Variants in RYR2 observed in about 807,000 individuals in gnomAD.
RYR2 encodes the protein cardiac muscle ryanodine receptor-calcium release channel.
RYR2 carries 227 observed loss-of-function variants against 601.1 expected under a neutral mutation model. That is an observed-to-expected ratio of 0.38 (90% CI 0.34 to 0.42). The LOEUF (loss-of-function observed/expected upper bound fraction) is 0.42. RYR2 is among the 10% of genes least tolerant of loss of function. RYR2 has a pLI of 1.00. For synonymous variants in RYR2, 2,223 were observed against 2,175.1 expected, an observed-to-expected ratio of 1.02 and a Z score of -0.61; for missense variants, 4,646 against 6,156.5, an observed-to-expected ratio of 0.75 and a Z score of 8.21.
chr1:237,454,272 G>A (rs1055756765), intron 14 of RYR2, 119 bp from the exon 15 acceptor site: 3 of 1,011,598 alleles, frequency 3.0e-6, no homozygotes, highest in South Asian at 1.9e-5. Flanking sequence ...GGACCTTTCT[G>A]ACATGTCCCT....
In RYR2 at chr1:237,240,665, CAAAAAAAAAAAA is replaced by C. The variant is rs35984919; in HGVS notation, c.49-29819_49-29808del. The stretch of plus-strand genomic sequence containing the variant: ...GTTGTATTGCCCCCTCTATAAAAGC[CAAAAAAAAAAAA>C]AAAAAAAAAAAACAGTGGGTCAGAC... On this transcript the variant is annotated intron_variant, in intron 1 of 104. Coordinates refer to ENST00000366574, the MANE Select transcript of RYR2 (RefSeq NM_001035.3). 9.1e-5 allele frequency among the ~76,000 whole-genome samples: 5 copies of C among 55,162 alleles called. No homozygotes were observed. In the East Asian group the frequency reaches 3.5e-3, roughly 38 times the overall value. 36.2% of individuals were successfully genotyped at this position (55,162 alleles called of 152,430 possible).
chr1:237,293,177 T>C (rs994523384), intron 2 of RYR2, among the ~76,000 whole-genome samples: 3 of 152,136 alleles, frequency 2.0e-5, no homozygotes, highest in African/African-American at 7.2e-5. Context: ...ATGCCTTGGC[T>C]GCATAAGACT....
At chr1:237,345,246 T>C (rs1325967664) in intron 3 of RYR2, among the ~76,000 whole-genome samples, 10 of 152,208 alleles carry the variant, frequency 6.6e-5, no homozygotes, top group Admixed American at 6.5e-4. Flanking sequence ...CTTGCTGAGA[T>C]TTTGATTGGG....
chr1:237,139,834 G>A (rs1029858270), intron 1 of RYR2, among the ~76,000 whole-genome samples: 4 of 152,200 alleles, frequency 2.6e-5, no homozygotes, highest in African/African-American at 9.6e-5. Context: ...CAGACTCTAT[G>A]GTACTGAAAC....
chr1:237,749,984 A>G (rs1473756109), intron 80 of RYR2, among the ~76,000 whole-genome samples: 1 of 152,148 alleles, frequency 6.6e-6, no homozygotes, highest in African/African-American at 2.4e-5. Flanking sequence ...CATCTCTGCT[A>G]AAAATACAAA....
chr1:237,718,524 A>G lies in RYR2; in HGVS notation c.10554+3A>G. The G allele has an allele frequency of 6.4e-7, 1 of 1,570,336 alleles. No homozygotes were observed. The highest frequency in any genetic ancestry group is 2.2e-5 in the East Asian group (1 of 44,536). On this transcript the variant is annotated splice_donor_region_variant and intron_variant, in intron 73 of 104. Transcript: ENST00000366574. The stretch of plus-strand genomic sequence containing the variant: ...GCAATATTCATTTACAAGGCAAGGT[A>G]AGCCAAATTTTATTCTTAAGCCACA...
At chr1:237,526,641 C>G (rs1667620563) in intron 24 of RYR2, among the ~76,000 whole-genome samples, 1 of 152,204 alleles carries the variant, frequency 6.6e-6, no homozygotes, top group South Asian at 2.1e-4. Context: ...ACCACCATGC[C>G]TGACCCTTTG....
chr1:237,427,434 C>A (rs1291609677), intron 12 of RYR2, among the ~76,000 whole-genome samples: 2 of 152,046 alleles, frequency 1.3e-5, no homozygotes, highest in Non-Finnish European at 2.9e-5. Context: ...CATTAAGAGG[C>A]ACATCTAAAA....
chr1:237,528,106 T>A (rs911005422), intron 24 of RYR2, among the ~76,000 whole-genome samples: 1 of 152,152 alleles, frequency 6.6e-6, no homozygotes, highest in Non-Finnish European at 1.5e-5. Context: ...AAATTAAAGA[T>A]GCTGGCAATT....
intron 71 of RYR2, among the ~76,000 whole-genome samples, chr1:237,712,631 G>A (rs1391599161): frequency 6.6e-6 from 1 of 152,110 alleles, no homozygotes; most frequent in African/African-American, 2.4e-5. Context: ...CATCAAGTGT[G>A]AATATTTGTG....
chr1:237,620,388 C>T (rs1016991530), intron 38 of RYR2, among the ~76,000 whole-genome samples: 5 of 151,962 alleles, frequency 3.3e-5, no homozygotes, highest in Non-Finnish European at 7.4e-5. Flanking sequence ...AAATATTGTT[C>T]AAGTAATGCA....
chr1:237,199,021 G>A (rs557230663), intron 1 of RYR2, among the ~76,000 whole-genome samples: 4 of 152,034 alleles, frequency 2.6e-5, no homozygotes, highest in Non-Finnish European at 4.4e-5. Context: ...TGGTTAATCC[G>A]GTTATGATCA....
At chr1:237,058,998 C>G (rs1251450555) in intron 1 of RYR2, among the ~76,000 whole-genome samples, 2 of 151,916 alleles carry the variant, frequency 1.3e-5, no homozygotes, top group Non-Finnish European at 2.9e-5. Flanking sequence ...TCTAGCAGAA[C>G]GAGAAATCTG....
intron 11 of RYR2, among the ~76,000 whole-genome samples, chr1:237,418,112 G>A (rs1444858453): frequency 2.0e-5 from 3 of 152,008 alleles, no homozygotes; most frequent in Admixed American, 6.6e-5. Flanking sequence ...GCGCGATCTC[G>A]GTTCACTGCA....
intron 1 of RYR2, among the ~76,000 whole-genome samples, chr1:237,160,566 A>G (rs892680712): frequency 6.6e-6 from 1 of 151,986 alleles, no homozygotes; most frequent in Admixed American, 6.6e-5. Context: ...TTGTTTTTTA[A>G]TGGAAGGGAT....
Position 237,491,701 on chromosome 1 carries a change from A to G in RYR2, c.1709-105A>G, listed in dbSNP as rs183388379. The G allele has an allele frequency of 3.6e-4, 230 of 639,910 alleles. No individual in the cohort carries two copies. In the African/African-American group the frequency reaches 4.0e-3, roughly 11 times the overall value. The allele number at this position is 639,910 out of a possible 1,614,324, so 39.6% of individuals were successfully genotyped here. ...GTAACAGTCACATTGAGCACAGATA[A>G]TTACATGTTGTACTGAATGCACCTA... On this transcript the variant is annotated intron_variant, in intron 17 of 104. Transcript: ENST00000366574.
intron 10 of RYR2, among the ~76,000 whole-genome samples, chr1:237,403,896 G>A (rs1478613842): frequency 6.6e-6 from 1 of 152,144 alleles, no homozygotes; most frequent in Non-Finnish European, 1.5e-5. Context: ...TAAATCAGAG[G>A]ATACTGAGTG....
chr1:237,663,483 A>G (rs1248927919), intron 56 of RYR2, among the ~76,000 whole-genome samples: 1 of 152,208 alleles, frequency 6.6e-6, no homozygotes, highest in Non-Finnish European at 1.5e-5. Context: ...CAAGTGGCCC[A>G]TGGTTAACGG....
intron 56 of RYR2, among the ~76,000 whole-genome samples, chr1:237,666,242 GATA>G (rs1172957565): frequency 1.3e-5 from 2 of 152,176 alleles, no homozygotes; most frequent in Non-Finnish European, 2.9e-5. Flanking sequence ...CTCTGCATAA[GATA>G]ATGTTTCAGA....
Sources: gnomAD v4.1 joint callset for allele counts (sites outside exome capture counted in the v4.1 genomes callset) on GRCh38, gnomAD v4.1.1 for gene constraint, MANE v1.5 for transcripts, NCBI Gene and HGNC (gene_info 2026-07-23, HGNC 2026-07-21) for gene names.